PRDM16: variants seen among roughly 807,000 people sequenced by gnomAD.
The protein encoded by PRDM16 is PR/SET domain 16.
PRDM16 carries 23 observed loss-of-function variants against 110.6 expected under a neutral mutation model. The observed-to-expected ratio is 0.21, with a 90% CI of 0.15 to 0.29. The LOEUF (loss-of-function observed/expected upper bound fraction) is 0.29. Ranked by LOEUF, PRDM16 falls within the 10% of genes least tolerant of loss-of-function variation. PRDM16 has a pLI of 1.00. For missense variants in PRDM16, 1,615 were observed against 1,794.3 expected, an observed-to-expected ratio of 0.90 and a Z score of 1.81; for synonymous variants, 799 against 781.8, an observed-to-expected ratio of 1.02 and a Z score of -0.37.
At chr1:3,109,502 G>T (rs992138404) in intron 1 of PRDM16, among the ~76,000 whole-genome samples, 4 of 152,192 alleles carry the variant, frequency 2.6e-5, no homozygotes, top group Non-Finnish European at 5.9e-5. Flanking sequence ...GATCTCAGAA[G>T]TCAACTGCCC....
rs1638867739 is a variant in PRDM16, at chr1:3,434,980, G to A, written c.*1169G>A. 1 of 228,784 alleles carries A rather than the reference G, an allele frequency of 4.4e-6. No individual in the cohort carries two copies. Among genetic ancestry groups the A allele is most frequent in the Non-Finnish European group, 8.7e-6 (1 of 115,218 alleles). 14.2% of individuals were successfully genotyped at this position (228,784 alleles called of 1,614,324 possible). On this transcript the variant is annotated 3_prime_UTR_variant, in exon 17 of 17. Coordinates refer to ENST00000270722, the MANE Select transcript of PRDM16 (RefSeq NM_022114.4). ...AGCCGCACCTGTGCCTGAGACTCCG[G>A]ATGGACGACACAGTCGTCACGTCGC...
chr1:3,230,094 T>C (rs1247524957), intron 2 of PRDM16, among the ~76,000 whole-genome samples: 1 of 152,208 alleles, frequency 6.6e-6, no homozygotes. Flanking sequence ...CCTGGACCCC[T>C]ACAGGGTCAC....
chr1:3,269,240 G>A (rs1640370937), intron 3 of PRDM16, among the ~76,000 whole-genome samples: 1 of 152,240 alleles, frequency 6.6e-6, no homozygotes, highest in African/African-American at 2.4e-5. Flanking sequence ...GAGGAGGACG[G>A]CCCCAGAGGA....
Position 3,417,775 on chromosome 1 carries a change from G to C in PRDM16, c.2692-53G>C, listed in dbSNP as rs1638310929. On this transcript the variant is annotated intron_variant, in intron 10 of 16. Transcript: ENST00000270722. ...AGAACCCCCAGCAGTGCGTGCCCCTGAAGACAGGTGAGAGTCAGCTGAGTC... is the reference window on the plus strand; with the variant it reads ...AGAACCCCCAGCAGTGCGTGCCCCTCAAGACAGGTGAGAGTCAGCTGAGTC... 31 of 1,541,032 alleles carry C rather than the reference G, an allele frequency of 2.0e-5. No homozygotes were observed. In the South Asian group the frequency reaches 3.1e-4, roughly 16 times the overall value.
chr1:3,204,932 G>A (rs777176707), intron 2 of PRDM16, among the ~76,000 whole-genome samples: 104 of 152,332 alleles, frequency 6.8e-4, no homozygotes, highest in South Asian at 1.7e-3. Flanking sequence ...TGCTCCGAAC[G>A]GGGAGCTGGG....
chr1:3,214,551 G>A (rs759003116), intron 2 of PRDM16, among the ~76,000 whole-genome samples: 4 of 152,184 alleles, frequency 2.6e-5, no homozygotes, highest in Non-Finnish European at 5.9e-5. Flanking sequence ...ACAAAAACTA[G>A]CTGGGTGTGG....
At chr1:3,076,947 G>A (rs1451512678) in intron 1 of PRDM16, among the ~76,000 whole-genome samples, 6 of 152,182 alleles carry the variant, frequency 3.9e-5, no homozygotes, top group Non-Finnish European at 7.3e-5. Context: ...CACACATCTC[G>A]GGGTATGAAG....
intron 2 of PRDM16, among the ~76,000 whole-genome samples, chr1:3,199,846 CA>C (rs2100824860): frequency 6.6e-6 from 1 of 152,314 alleles, no homozygotes; most frequent in African/African-American, 2.4e-5. Flanking sequence ...GACCACGGTG[CA>C]CCCTGTCTCA....
intron 1 of PRDM16, among the ~76,000 whole-genome samples, chr1:3,127,677 AGAG>A (rs1422414845): frequency 2.6e-5 from 4 of 152,240 alleles, no homozygotes; most frequent in Non-Finnish European, 5.9e-5. Context: ...ACGAGGGTTG[AGAG>A]GGACCCCCCT....
In PRDM16 at chr1:3,206,264, A is replaced by C. The variant is rs2100836620; in HGVS notation, c.387+19790A>C. 1 of 152,408 alleles carries C rather than the reference A, an allele frequency of 6.6e-6. No individual in the cohort carries two copies. Among genetic ancestry groups the C allele is most frequent in the South Asian group, 2.1e-4 (1 of 4,822 alleles). 9.4% of individuals were successfully genotyped at this position (152,408 alleles called of 1,614,324 possible). ...GATCCTCCCTGTGAACCACCCACAGAGGGCCCTTTCCCAGAGAGACCACCA... is the reference window on the plus strand; with the variant it reads ...GATCCTCCCTGTGAACCACCCACAGCGGGCCCTTTCCCAGAGAGACCACCA... On this transcript the variant is annotated intron_variant, in intron 2 of 16. Transcript: ENST00000270722. This position sits in a 1 kb window ranked among gnomAD's most constrained non-coding sequence, Gnocchi z 4.9.
chr1:3,420,749 TA>T (rs56093721), intron 12 of PRDM16, among the ~76,000 whole-genome samples: 132,186 of 151,896 alleles, frequency 0.87, 57,669 homozygotes, highest in East Asian at 1. Context: ...TCTTATTTCT[TA>T]AAAAAAAAGT....
chr1:3,363,636 G>T (rs146345077), intron 3 of PRDM16, among the ~76,000 whole-genome samples: 22 of 152,118 alleles, frequency 1.4e-4, no homozygotes, highest in Non-Finnish European at 2.4e-4. Flanking sequence ...AGCTCCCATT[G>T]CCCCCCAATA....
At chr1:3,250,763 G>C (rs1639912008) in intron 3 of PRDM16, among the ~76,000 whole-genome samples, 1 of 152,226 alleles carries the variant, frequency 6.6e-6, no homozygotes, top group African/African-American at 2.4e-5. Flanking sequence ...AAGAGCACAT[G>C]GGGGGACGTG....
chr1:3,396,471 C>A lies in PRDM16; in HGVS notation c.574-20C>A. The A allele has an allele frequency of 1.4e-6, 2 of 1,383,518 alleles. No homozygotes were observed. The highest frequency in any genetic ancestry group is 2.0e-6 in the Non-Finnish European group (2 of 985,498). 85.7% of individuals were successfully genotyped at this position (1,383,518 alleles called of 1,614,324 possible). ...CCAACAAACCACACTCACCCTTTCT[C>A]TCTGGTCTCTCCATCCTAGATTTAC... On this transcript the variant is annotated intron_variant, in intron 4 of 16. Coordinates refer to ENST00000270722, the MANE Select transcript of PRDM16 (RefSeq NM_022114.4).
intron 8 of PRDM16, among the ~76,000 whole-genome samples, chr1:3,410,404 T>A (rs1247290568): frequency 6.6e-6 from 1 of 152,116 alleles, no homozygotes; most frequent in African/African-American, 2.4e-5. Flanking sequence ...CTGAGGAGGT[T>A]CCCAGTAGTA....
intron 1 of PRDM16, among the ~76,000 whole-genome samples, chr1:3,100,202 C>T (rs1048795470): frequency 6.6e-6 from 1 of 152,180 alleles, no homozygotes; most frequent in Non-Finnish European, 1.5e-5. Flanking sequence ...GTAGAGCTTG[C>T]CCCCTGCCCG....
At position 3,174,577 on chromosome 1, in the gene PRDM16, G is replaced by C. The variant is rs1049150464; in HGVS notation, c.38-11548G>C. 2.6e-5 allele frequency among the ~76,000 whole-genome samples: 4 copies of C among 152,146 alleles called. No individual in the cohort carries two copies. The East Asian group carries it at 7.7e-4, about 29-fold the overall frequency. ...TAAAGTGAAGGCAGCACTGTGGACTGTCCCTGCCTCCCTCCGTGTCTGCGA... is the reference window on the plus strand; with the variant it reads ...TAAAGTGAAGGCAGCACTGTGGACTCTCCCTGCCTCCCTCCGTGTCTGCGA... On this transcript the variant is annotated intron_variant, in intron 1 of 16. Transcript: ENST00000270722.
In PRDM16 at chr1:3,181,664, A is replaced by G. The variant is rs969179247; in HGVS notation, c.38-4461A>G. On this transcript the variant is annotated intron_variant, in intron 1 of 16. Coordinates refer to ENST00000270722, the MANE Select transcript of PRDM16 (RefSeq NM_022114.4). ...CACACGGTCTTACACACGGTCTTAC[A>G]CAGTCTTACACGCGCAGTCTTACAC... Among the ~76,000 whole-genome samples, 40 of 113,942 alleles carry G rather than the reference A, an allele frequency of 3.5e-4. 4 individuals carry two copies. The South Asian group carries it at 0.012, about 35-fold the overall frequency. The allele number at this position is 113,942 out of a possible 152,430, so 74.8% of individuals were successfully genotyped here.
intron 1 of PRDM16, among the ~76,000 whole-genome samples, chr1:3,070,594 C>T (rs1467329799): frequency 1.3e-5 from 2 of 150,820 alleles, no homozygotes; most frequent in Non-Finnish European, 3.0e-5. Context: ...GGTCCCCGCC[C>T]GACCCACGCC....
Sources: gnomAD v4.1 joint callset for allele counts (sites outside exome capture counted in the v4.1 genomes callset) on GRCh38, gnomAD v4.1.1 for gene constraint, Gnocchi (gnomAD v3.1) non-coding constraint, MANE v1.5 for transcripts, NCBI Gene and HGNC (gene_info 2026-07-23, HGNC 2026-07-21) for gene names.